Variants in CRYBG3 observed in about 807,000 individuals in gnomAD.
The protein encoded by CRYBG3 is very large A-kinase anchor protein.
CRYBG3 carries 127 observed loss-of-function variants against 244.2 expected under a neutral mutation model. That is an observed-to-expected ratio of 0.52 (90% CI 0.45 to 0.60). CRYBG3 has a LOEUF of 0.60. CRYBG3 is among the 20% of genes least tolerant of loss of function. CRYBG3 has a pLI of 0.00. For missense variants in CRYBG3, 3,325 were observed against 3,442.5 expected (o/e 0.97, Z 0.85); for synonymous variants, 1,132 against 1,195.8 (o/e 0.95, Z 1.10).
At chr3:97,840,498 T>A (rs7621778) in intron 1 of CRYBG3, among the ~76,000 whole-genome samples, 2 of 151,916 alleles carry the variant, frequency 1.3e-5, no homozygotes, top group African/African-American at 2.4e-5. Context: ...CAGTACTTAA[T>A]GTGCTGATTT....
chr3:97,867,650 T>C (rs2039250722), intron 3 of CRYBG3, among the ~76,000 whole-genome samples: 1 of 152,254 alleles, frequency 6.6e-6, no homozygotes, highest in South Asian at 2.1e-4. Context: ...TTAGATATTT[T>C]ACTTTTCTTC....
intron 1 of CRYBG3, among the ~76,000 whole-genome samples, chr3:97,842,652 G>C (rs1174003228): frequency 6.6e-6 from 1 of 152,134 alleles, no homozygotes; most frequent in Non-Finnish European, 1.5e-5. Context: ...AAGACAGTTA[G>C]AAGTAACTAT....
intron 1 of CRYBG3, among the ~76,000 whole-genome samples, chr3:97,834,770 A>G (rs1327229960): frequency 3.3e-5 from 5 of 152,166 alleles, no homozygotes; most frequent in Non-Finnish European, 5.9e-5. Context: ...ACATTAGGTA[A>G]TATTTGCAGT....
chr3:97,828,991 G>A (rs989193352), intron 1 of CRYBG3, among the ~76,000 whole-genome samples: 1 of 152,110 alleles, frequency 6.6e-6, no homozygotes, highest in African/African-American at 2.4e-5. Context: ...ATGGGGAACT[G>A]AGTGAAGGGA....
chr3:97,838,739 T>C (rs541000996), intron 1 of CRYBG3, among the ~76,000 whole-genome samples: 58 of 152,262 alleles, frequency 3.8e-4, no homozygotes, highest in African/African-American at 1.3e-3. Flanking sequence ...GGTTAGGGAA[T>C]CTTGTTATAA....
chr3:97,859,956 A>G (rs1388265900), intron 2 of CRYBG3, among the ~76,000 whole-genome samples: 3 of 152,116 alleles, frequency 2.0e-5, no homozygotes, highest in Admixed American at 6.6e-5. Flanking sequence ...TCTTTATACC[A>G]TAGTCACTCC....
rs778042612 is a variant in CRYBG3 at position 97,879,938 on chromosome 3, TA to T, written c.6889-42del. The T allele has an allele frequency of 8.2e-5, 88 of 1,076,308 alleles. 1 individual carries two copies. The South Asian group carries it at 8.2e-4, about 10-fold the overall frequency. The allele number at this position is 1,076,308 out of a possible 1,614,324, so 66.7% of individuals were successfully genotyped here. The stretch of plus-strand genomic sequence containing the variant: ...ACATTTTAGAATTTAAAATACATTC[TA>T]AAAATTAGTTATTGTAACTACTTAC... On this transcript the variant is annotated intron_variant, in intron 5 of 21. Transcript: ENST00000389622.
Position 97,841,217 on chromosome 3 carries a change from T to C in CRYBG3, c.150-1978T>C, listed in dbSNP as rs534406218. Among the ~76,000 whole-genome samples, 6 of 142,344 alleles carry C rather than the reference T, an allele frequency of 4.2e-5. No individual in the cohort carries two copies. In the South Asian group the frequency reaches 8.4e-4, roughly 20 times the overall value. The allele number at this position is 142,344 out of a possible 152,430, so 93.4% of individuals were successfully genotyped here. A position where few individuals can be genotyped will look rare whatever the true frequency, so the allele number is the denominator to read the frequency against. ...GTGTATATATGTATATATGTATATA[T>C]GTATATGTATATATGTGTGTATATA... On this transcript the variant is annotated intron_variant, in intron 1 of 21. Transcript: ENST00000389622.
intron 17 of CRYBG3, among the ~76,000 whole-genome samples, chr3:97,931,569 T>G (rs747631975): frequency 1.3e-5 from 2 of 152,080 alleles, no homozygotes; most frequent in Non-Finnish European, 2.9e-5. Flanking sequence ...TCCCTGGAAC[T>G]CCAGATCAAA....
intron 2 of CRYBG3, among the ~76,000 whole-genome samples, chr3:97,844,177 T>A (rs1354760084): frequency 1.3e-5 from 2 of 152,162 alleles, no homozygotes; most frequent in Non-Finnish European, 2.9e-5. Flanking sequence ...AATAAAAAAA[T>A]ACTTATTGAA....
Position 97,871,969 on chromosome 3 carries a change from G to C in CRYBG3, c.775G>C (p.Glu259Gln). ...TGTGAATACCTTGGACAGAGAAAAT[G>C]AAAGTTCTGACTCTAGTACAAACAG... ...ATVNTLDREN[E>Q]SSDSSTNRHI... Residue 259 changes from glutamate (E) to glutamine (Q), a missense_variant, in exon 4 of 22, where the codon GAA (glutamate) becomes CAA (glutamine). Around this residue, in one of 4 missense-constraint regions of CRYBG3, gnomAD observed 1,526 missense variants for 1,443.2 expected, o/e 1.06. Coordinates refer to ENST00000389622, the MANE Select transcript of CRYBG3 (RefSeq NM_153605.4). 6.5e-7 allele frequency: 1 copy of C among 1,535,894 alleles called. No individual in the cohort carries two copies. Among genetic ancestry groups the C allele is most frequent in the African/African-American group, 1.4e-5 (1 of 73,152 alleles).
At chr3:97,846,080 A>C (rs1413135155) in intron 2 of CRYBG3, among the ~76,000 whole-genome samples, 2 of 152,194 alleles carry the variant, frequency 1.3e-5, no homozygotes, top group African/African-American at 2.4e-5. Flanking sequence ...CTATTCCATG[A>C]AACCAGTTAC....
chr3:97,892,986 G>C lies in CRYBG3; in HGVS notation c.7567G>C (p.Gly2523Arg). The C allele has an allele frequency of 6.3e-7, 1 of 1,595,058 alleles. No homozygotes were observed. Among genetic ancestry groups the C allele is most frequent in the Non-Finnish European group, 8.5e-7 (1 of 1,173,884 alleles). ...CAGAATTGGATCAATTCGTGTCATT[G>C]GTGGAGTGTGAGTATCATATTTTTA... is the stretch of plus-strand genomic sequence containing the variant. ...FHRIGSIRVIGGVWVAYEKEH... is the reference protein window; with the variant it reads ...FHRIGSIRVIRGVWVAYEKEH... The change falls in exon 11 of 22, where the codon GGT (glycine) becomes CGT (arginine). Residue 2523 changes from glycine to arginine, a missense_variant. Gly to Arg is a moderately radical substitution (Grantham distance 125). Coordinates refer to ENST00000389622, the MANE Select transcript of CRYBG3 (RefSeq NM_153605.4).
At chr3:97,897,345 T>C (rs1292676448) in intron 12 of CRYBG3, among the ~76,000 whole-genome samples, 1 of 152,092 alleles carries the variant, frequency 6.6e-6, no homozygotes, top group East Asian at 1.9e-4. Flanking sequence ...AGACTTATCT[T>C]TGGGCCTGAA....
In CRYBG3 at chr3:97,877,131, T is replaced by C; in HGVS notation, c.5937T>C (p.Tyr1979=). 1 of 1,613,970 alleles carries C rather than the reference T, an allele frequency of 6.2e-7. No individual in the cohort carries two copies. The highest frequency in any genetic ancestry group is 8.5e-7 in the Non-Finnish European group (1 of 1,179,870). Residue 1979 remains tyrosine (Y), a synonymous_variant, in exon 4 of 22, where the codon TAT becomes TAC. Coordinates refer to ENST00000389622, the MANE Select transcript of CRYBG3 (RefSeq NM_153605.4). ...AIYDKRRETD[Y]SDKGYNLAFV... is the part of the protein sequence containing the mutation. ...ATGACAAGAGGAGAGAGACAGATTA[T>C]AGTGACAAAGGATATAATTTAGCTT...
chr3:97,915,501 T>G, intron 16 of CRYBG3, 109 bp from the exon 17 acceptor site: 1 of 1,139,008 alleles, frequency 8.8e-7, no homozygotes, highest in Non-Finnish European at 1.2e-6. Context: ...GGTGGTGCTC[T>G]GCACCACTTT....
Position 97,875,334 on chromosome 3 carries a change from C to A in CRYBG3, c.4140C>A (p.Phe1380Leu), listed in dbSNP as rs932709694. The A allele has an allele frequency of 4.2e-6, 6 of 1,431,676 alleles. No homozygotes were observed. The highest frequency in any genetic ancestry group is 2.9e-5 in the African/African-American group (2 of 69,410). 88.7% of individuals were successfully genotyped at this position (1,431,676 alleles called of 1,614,324 possible). A position where few individuals can be genotyped will look rare whatever the true frequency, so the allele number is the denominator to read the frequency against. Residue 1380 changes from phenylalanine to leucine, a missense_variant, in exon 4 of 22, where the codon TTC (phenylalanine) becomes TTA (leucine). Physicochemically the swap from Phe to Leu is conservative, Grantham distance 22. Transcript: ENST00000389622. Reference sequence around the variant, plus strand: ...GTGAAAATAAAGTATTAAATGAATTCTTCTCCCTAAGTAACTTAGCTAGTG... The same window carrying A: ...GTGAAAATAAAGTATTAAATGAATTATTCTCCCTAAGTAACTTAGCTAGTG... ...QISENKVLNEFFSLSNLASGT... is the reference protein window; with the variant it reads ...QISENKVLNELFSLSNLASGT...
intron 17 of CRYBG3, among the ~76,000 whole-genome samples, chr3:97,926,914 A>G (rs563749815): frequency 6.6e-6 from 1 of 152,132 alleles, no homozygotes; most frequent in East Asian, 1.9e-4. Flanking sequence ...GAAAGAACTC[A>G]GAGACAACAC....
intron 3 of CRYBG3, among the ~76,000 whole-genome samples, chr3:97,867,345 A>G (rs2039246614): frequency 6.6e-6 from 1 of 152,232 alleles, no homozygotes; most frequent in South Asian, 2.1e-4. Context: ...GAGCAAGTAA[A>G]AAAGGGAGAT....
Sources: allele counts gnomAD v4.1 joint callset (sites outside exome capture counted in the v4.1 genomes callset), GRCh38; gene constraint gnomAD v4.1.1; regional missense constraint gnomAD v4.1.1; transcripts MANE v1.5; gene names NCBI Gene and HGNC (gene_info 2026-07-23, HGNC 2026-07-21).